Variants in C1QTNF3 observed in about 807,000 individuals in gnomAD.
C1QTNF3 encodes C1q and TNF related 3, also known as complement C1q tumor necrosis factor-related protein 3.
In C1QTNF3, 26 loss-of-function variants were observed where a neutral mutation model predicts 32.6. The observed-to-expected ratio is 0.80, with a 90% CI of 0.58 to 1.11. The LOEUF (loss-of-function observed/expected upper bound fraction) is 1.11, where lower values mean the gene tolerates loss of function less well. Ranked by LOEUF, C1QTNF3 falls within the 50% of genes least tolerant of loss-of-function variation. The pLI is 0.00. For missense variants in C1QTNF3, 362 were observed against 398.2 expected, an observed-to-expected ratio of 0.91 and a Z score of 0.77; for synonymous variants, 155 against 146.0, an observed-to-expected ratio of 1.06 and a Z score of -0.44.
At chr5:34,039,170 C>T (rs1754811175) in intron 1 of C1QTNF3, among the ~76,000 whole-genome samples, 1 of 152,084 alleles carries the variant, frequency 6.6e-6, no homozygotes, top group Non-Finnish European at 1.5e-5. Context: ...GCATGCTCAC[C>T]TCCCAAGTAA....
At chr5:34,057,602 T>G in the C1QTNF3 span, among the ~76,000 whole-genome samples, 5 of 152,238 alleles carry the variant, frequency 3.3e-5, no homozygotes, top group Non-Finnish European at 7.3e-5. Context: ...TCAAAAAATA[T>G]GGACCTTTCA....
chr5:34,087,609 T>C, the C1QTNF3 span, among the ~76,000 whole-genome samples: 15 of 145,284 alleles, frequency 1.0e-4, no homozygotes, highest in Admixed American at 9.7e-4. Flanking sequence ...AGACAGTCTC[T>C]GTCACCCAGG....
At chr5:34,176,086 T>C in the C1QTNF3 span, 5 of 558,702 alleles carry the variant, frequency 8.9e-6, no homozygotes, top group Non-Finnish European at 1.6e-5. Context: ...CAGGACTCAC[T>C]GATGCTAGGG....
At chr5:34,243,925 GA>G in the C1QTNF3 span, among the ~76,000 whole-genome samples, 1 of 151,966 alleles carries the variant, frequency 6.6e-6, no homozygotes, top group Non-Finnish European at 1.5e-5. Context: ...ATCTGTGTCT[GA>G]AAAAAACTGA....
At chr5:34,045,739 C>G (rs1403463930), upstream of C1QTNF3, among the ~76,000 whole-genome samples, 1 of 151,946 alleles carries the variant, frequency 6.6e-6, no homozygotes, top group Non-Finnish European at 1.5e-5. Context: ...CTCTCCTTCT[C>G]TCTGCCATTG....
chr5:34,207,182 T>G, the C1QTNF3 span, among the ~76,000 whole-genome samples: 6 of 152,134 alleles, frequency 3.9e-5, no homozygotes, highest in South Asian at 1.2e-3. Flanking sequence ...AAGAATTTTT[T>G]TTTCATTGTC....
At chr5:34,230,376 T>C in the C1QTNF3 span, among the ~76,000 whole-genome samples, 2 of 152,086 alleles carry the variant, frequency 1.3e-5, no homozygotes, top group Non-Finnish European at 2.9e-5. Context: ...TATTGTAATT[T>C]TTATAACAGC....
chr5:34,187,059 C>A, the C1QTNF3 span, among the ~76,000 whole-genome samples: 3 of 152,418 alleles, frequency 2.0e-5, no homozygotes, highest in African/African-American at 7.2e-5. Flanking sequence ...GGGGATGGTT[C>A]CCCCCATACT....
chr5:34,163,869 G>A, the C1QTNF3 span, among the ~76,000 whole-genome samples: 4 of 152,050 alleles, frequency 2.6e-5, no homozygotes, highest in East Asian at 1.9e-4. Flanking sequence ...ACAACAATGA[G>A]ATGGTATCAA....
chr5:34,061,495 A>G, the C1QTNF3 span, among the ~76,000 whole-genome samples: 1 of 152,088 alleles, frequency 6.6e-6, no homozygotes, highest in African/African-American at 2.4e-5. Context: ...TGAGGGCCCC[A>G]CTCCTGCAGC....
intron 5 of C1QTNF3, 126 bp downstream of exon 5, chr5:34,023,783 G>T: frequency 1.6e-6 from 1 of 616,056 alleles, no homozygotes. Context: ...TGGTGCATGA[G>T]GGCTCTTATT....
the C1QTNF3 span, among the ~76,000 whole-genome samples, chr5:34,241,338 T>A: frequency 6.6e-6 from 1 of 151,728 alleles, no homozygotes; most frequent in Non-Finnish European, 1.5e-5. Flanking sequence ...AAGTAAAGAT[T>A]AAGGCAAACT....
chr5:34,165,829 C>T, the C1QTNF3 span: 58 of 148,612 alleles, frequency 3.9e-4, no homozygotes, highest in Non-Finnish European at 7.2e-4. Context: ...ATTTTCCAAA[C>T]TCCATGAGCT....
the C1QTNF3 span, among the ~76,000 whole-genome samples, chr5:34,210,390 T>C: frequency 2.0e-5 from 3 of 152,098 alleles, no homozygotes; most frequent in African/African-American, 4.8e-5. Flanking sequence ...TTTATTTATT[T>C]ATTCATTTTT....
At chr5:34,137,468 T>A in the C1QTNF3 span, among the ~76,000 whole-genome samples, 1 of 152,204 alleles carries the variant, frequency 6.6e-6, no homozygotes, top group Non-Finnish European at 1.5e-5. Context: ...TCCTATCTGC[T>A]GTGGATCATT....
At chr5:34,157,915 T>C in the C1QTNF3 span, among the ~76,000 whole-genome samples, 2 of 152,148 alleles carry the variant, frequency 1.3e-5, no homozygotes, top group African/African-American at 4.8e-5. Context: ...AATACAAAAA[T>C]AATACACAGC....
chr5:34,214,122 T>C, the C1QTNF3 span, among the ~76,000 whole-genome samples: 1 of 151,658 alleles, frequency 6.6e-6, no homozygotes. Context: ...TCTTTATAAA[T>C]CTTATAGAAA....
the C1QTNF3 span, among the ~76,000 whole-genome samples, chr5:34,090,096 G>A: frequency 3.3e-5 from 5 of 151,812 alleles, no homozygotes; most frequent in Non-Finnish European, 1.5e-5. Flanking sequence ...CACTGAAATG[G>A]GAAAACAAAA....
chr5:34,140,908 A>T, the C1QTNF3 span, among the ~76,000 whole-genome samples: 1 of 152,200 alleles, frequency 6.6e-6, no homozygotes, highest in Non-Finnish European at 1.5e-5. Context: ...TCATAATTAC[A>T]ATGCTTGTCA....
Sources: allele counts gnomAD v4.1 joint callset (sites outside exome capture counted in the v4.1 genomes callset), GRCh38; gene constraint gnomAD v4.1.1; transcripts MANE v1.5; gene names NCBI Gene and HGNC (gene_info 2026-07-23, HGNC 2026-07-21).